NFAM1: variants seen among roughly 807,000 people sequenced by gnomAD.
NFAM1 encodes the protein NFAT activation molecule 1.
NFAM1 carries 17 observed loss-of-function variants against 29.0 expected under a neutral mutation model. That is an observed-to-expected ratio of 0.59 (90% CI 0.40 to 0.88). The LOEUF (loss-of-function observed/expected upper bound fraction) is 0.88. NFAM1 is among the 40% of genes least tolerant of loss of function. NFAM1 has a pLI of 0.00. For missense variants in NFAM1, 324 were observed against 344.6 expected (o/e 0.94, Z 0.47); for synonymous variants, 175 against 147.2 (o/e 1.19, Z -1.36).
upstream of NFAM1, among the ~76,000 whole-genome samples, chr22:42,436,624 T>G (rs1052273461): frequency 6.6e-6 from 1 of 152,190 alleles, no homozygotes; most frequent in African/African-American, 2.4e-5. Context: ...GAATCCCCTC[T>G]CAGTTCCAGC....
intron 1 of NFAM1, 111 bp downstream of exon 1, chr22:42,432,126 C>T (rs1930822914): frequency 1.0e-6 from 1 of 990,128 alleles, no homozygotes; most frequent in Non-Finnish European, 1.6e-6. Context: ...AAACGACAAC[C>T]AGCAAATCCC....
chr22:42,424,244 C>T (rs2092177), intron 1 of NFAM1, among the ~76,000 whole-genome samples: 68,967 of 151,880 alleles, frequency 0.45, 18,171 homozygotes, highest in African/African-American at 0.74. Flanking sequence ...TGAAACCCCA[C>T]CTTTACTAAA....
At chr22:42,399,401 C>T (rs1929646250) in intron 3 of NFAM1, among the ~76,000 whole-genome samples, 1 of 145,388 alleles carries the variant, frequency 6.9e-6, no homozygotes, top group African/African-American at 2.6e-5. Flanking sequence ...AAATCGAGAT[C>T]ACACCATTGC....
At chr22:42,420,036 A>C (rs1930395177) in intron 1 of NFAM1, among the ~76,000 whole-genome samples, 1 of 88,564 alleles carries the variant, frequency 1.1e-5, no homozygotes, top group Non-Finnish European at 2.1e-5. Flanking sequence ...TCTGAGGCAG[A>C]ATTTTGCTCT....
At chr22:42,425,175 G>A (rs1442398538) in intron 1 of NFAM1, among the ~76,000 whole-genome samples, 2 of 151,962 alleles carry the variant, frequency 1.3e-5, no homozygotes, top group Non-Finnish European at 1.5e-5. Flanking sequence ...CACAAACCTC[G>A]GCCCCCCAAA....
intron 1 of NFAM1, among the ~76,000 whole-genome samples, chr22:42,418,678 A>C (rs1930338966): frequency 1.3e-5 from 2 of 151,156 alleles, no homozygotes; most frequent in East Asian, 3.9e-4. Context: ...GGGTGACAAG[A>C]GCTATCTCTG....
Position 42,419,097 on chromosome 22 carries a change from T to C in NFAM1, c.122-7361A>G, listed in dbSNP as rs1404982221. ...TCCCACACCTGGCGCGGGGACCACATGCCGAGTGAGTCCCTGGCGGGGTGT... is the reference window on the plus strand; with the variant it reads ...TCCCACACCTGGCGCGGGGACCACACGCCGAGTGAGTCCCTGGCGGGGTGT... On this transcript the variant is annotated intron_variant, in intron 1 of 5. Transcript: ENST00000329021. The surrounding 1 kb of genome is among the most constrained non-coding windows in gnomAD (Gnocchi z 4.5). Among the ~76,000 whole-genome samples, 1 of 152,210 alleles carries C rather than the reference T, an allele frequency of 6.6e-6. No homozygotes were observed. Among genetic ancestry groups the C allele is most frequent in the East Asian group, 1.9e-4 (1 of 5,194 alleles).
At chr22:42,393,351 G>T (rs1929408098) in intron 4 of NFAM1, among the ~76,000 whole-genome samples, 1 of 152,026 alleles carries the variant, frequency 6.6e-6, no homozygotes, top group South Asian at 2.1e-4. Context: ...AGAAGTTCAA[G>T]ACCAGCTGGG....
intron 3 of NFAM1, among the ~76,000 whole-genome samples, chr22:42,400,989 C>A (rs1187187454): frequency 6.6e-6 from 1 of 152,148 alleles, no homozygotes; most frequent in Admixed American, 6.6e-5. Context: ...CTCTTGGTGT[C>A]CCTCCCTGGC....
chr22:42,401,994 C>G (rs1929739992), intron 3 of NFAM1, among the ~76,000 whole-genome samples: 1 of 152,234 alleles, frequency 6.6e-6, no homozygotes, highest in Non-Finnish European at 1.5e-5. Context: ...CAGGCTCCCC[C>G]AGGTGCTGGG....
In NFAM1 at chr22:42,432,349, G is replaced by GTTCTCCATCTGGGGGCCTGC; in HGVS notation, c.-12_8dup (p.Asn3LysfsTer11). 6.3e-7 allele frequency: 1 copy of GTTCTCCATCTGGGGGCCTGC among 1,576,490 alleles called. No homozygotes were observed. The highest frequency in any genetic ancestry group is 8.6e-7 in the Non-Finnish European group (1 of 1,162,256). On this transcript the variant is annotated frameshift_variant, in exon 1 of 6. Coordinates refer to ENST00000329021, the MANE Select transcript of NFAM1 (RefSeq NM_145912.8). LOFTEE classifies it high-confidence loss of function. ...GCAGGGCCCGCCACCTCACAGGCTG[G>GTTCTCCATCTGGGGGCCTGC]TTCTCCATCTGGGGGCCTGCTTGTC...
At chr22:42,410,507 A>G in intron 2 of NFAM1, 1 of 367,478 alleles carries the variant, frequency 2.7e-6, no homozygotes, top group Admixed American at 3.0e-5. Flanking sequence ...AAAAATACAA[A>G]AAGTAGCCAG....
At chr22:42,418,688 G>T (rs985411024) in intron 1 of NFAM1, among the ~76,000 whole-genome samples, 28 of 144,940 alleles carry the variant, frequency 1.9e-4, no homozygotes, top group Admixed American at 4.8e-4. Flanking sequence ...AGCTATCTCT[G>T]TTTTTTTTTT....
chr22:42,414,922 G>A (rs540380665), intron 1 of NFAM1, among the ~76,000 whole-genome samples: 2 of 152,220 alleles, frequency 1.3e-5, no homozygotes, highest in South Asian at 2.1e-4. Context: ...CAATTAAGCC[G>A]ATCTTTACAA....
At position 42,432,202 on chromosome 22, in the gene NFAM1, GAGAGAGT is replaced by G. The variant is rs778746583; in HGVS notation, c.121+28_121+34del. ...GAAAGCCGCTCTGATGTTCTGGAGCGAGAGAGTAGAGAGAAGGAGGAAGACAGACACT... is the reference window on the plus strand; with the variant it reads ...GAAAGCCGCTCTGATGTTCTGGAGCGAGAGAGAAGGAGGAAGACAGACACT... On this transcript the variant is annotated intron_variant, in intron 1 of 5. Coordinates refer to ENST00000329021, the MANE Select transcript of NFAM1 (RefSeq NM_145912.8). 1.9e-6 allele frequency: 3 copies of G among 1,539,650 alleles called. No homozygotes were observed. The African/African-American group carries it at 4.1e-5, about 21-fold the overall frequency.
intron 1 of NFAM1, among the ~76,000 whole-genome samples, chr22:42,414,477 T>G (rs1930193764): frequency 6.6e-6 from 1 of 151,498 alleles, no homozygotes; most frequent in South Asian, 2.1e-4. Flanking sequence ...TGGTGGCGCG[T>G]GTCTGTAATC....
Position 42,411,442 on chromosome 22 carries a change from G to A in NFAM1, c.416C>T (p.Thr139Met), listed in dbSNP as rs750740918. The change falls in exon 2 of 6, where the codon ACG (threonine) becomes ATG (methionine). Residue 139 changes from threonine (T) to methionine (M), a missense_variant. Transcript: ENST00000329021. ...YYCSVHWPHSTVRGSGTFILV... is the reference protein window; with the variant it reads ...YYCSVHWPHSMVRGSGTFILV... ...GATGAAGGTGCCGCTGCCTCTCACC[G>A]TGGAGTGTGGCCAGTGGACAGAGCA... 1.1e-4 allele frequency: 177 copies of A among 1,613,940 alleles called. No homozygotes were observed. The highest frequency in any genetic ancestry group is 1.4e-4 in the Non-Finnish European group (169 of 1,179,950).
At chr22:42,426,669 C>T (rs1930632773) in intron 1 of NFAM1, among the ~76,000 whole-genome samples, 1 of 152,196 alleles carries the variant, frequency 6.6e-6, no homozygotes, top group Non-Finnish European at 1.5e-5. Flanking sequence ...CCCCTGCCTA[C>T]AGGGGGACTG....
upstream of NFAM1, among the ~76,000 whole-genome samples, chr22:42,436,189 A>C (rs1930936030): frequency 6.6e-6 from 1 of 152,174 alleles, no homozygotes; most frequent in Non-Finnish European, 1.5e-5. Context: ...GGACACAGTG[A>C]GGTCCTGAGC....
Sources: allele counts gnomAD v4.1 joint callset (sites outside exome capture counted in the v4.1 genomes callset), GRCh38; gene constraint gnomAD v4.1.1; non-coding constraint Gnocchi (gnomAD v3.1); transcripts MANE v1.5; gene names NCBI Gene and HGNC (gene_info 2026-07-23, HGNC 2026-07-21).